The following HCN1 variants were observed in gnomAD, a reference collection of about 807,000 sequenced individuals.
The protein encoded by HCN1 is hyperpolarization activated cyclic nucleotide gated potassium channel 1.
HCN1 carries 13 observed loss-of-function variants against 78.9 expected under a neutral mutation model. The observed-to-expected ratio is 0.16, with a 90% CI of 0.11 to 0.26. The LOEUF (loss-of-function observed/expected upper bound fraction) is 0.26. Ranked by LOEUF, HCN1 falls within the 10% of genes least tolerant of loss-of-function variation. HCN1 has a pLI of 1.00. For synonymous variants in HCN1, 552 were observed against 455.5 expected, an observed-to-expected ratio of 1.21 and a Z score of -2.70; for missense variants, 810 against 1,154.3, an observed-to-expected ratio of 0.70 and a Z score of 4.32.
At chr5:45,549,043 A>T (rs1418864945) in intron 2 of HCN1, among the ~76,000 whole-genome samples, 2 of 151,664 alleles carry the variant, frequency 1.3e-5, no homozygotes, top group Non-Finnish European at 2.9e-5. Context: ...GGTAGGAAGA[A>T]TCAATATCAT....
chr5:45,596,509 C>A (rs960207049), intron 2 of HCN1, among the ~76,000 whole-genome samples: 2 of 152,122 alleles, frequency 1.3e-5, no homozygotes, highest in Admixed American at 6.5e-5. Context: ...AGTTTGTGTA[C>A]ATAATCATGC....
chr5:45,661,280 G>T (rs1198228213), intron 1 of HCN1, among the ~76,000 whole-genome samples: 1 of 109,580 alleles, frequency 9.1e-6, no homozygotes, highest in Non-Finnish European at 1.8e-5. Flanking sequence ...CCACATACCA[G>T]AATCTCTGGG....
chr5:45,380,169 G>T (rs1747774560), intron 4 of HCN1, among the ~76,000 whole-genome samples: 1 of 152,050 alleles, frequency 6.6e-6, no homozygotes, highest in East Asian at 1.9e-4. Flanking sequence ...CAGATTCAGT[G>T]CCTGGAGAGG....
chr5:45,683,677 T>A (rs1453872829), intron 1 of HCN1, among the ~76,000 whole-genome samples: 1 of 152,022 alleles, frequency 6.6e-6, no homozygotes, highest in African/African-American at 2.4e-5. Context: ...TTTGTCTTTT[T>A]TTTTTTTGAT....
intron 6 of HCN1, among the ~76,000 whole-genome samples, chr5:45,296,709 G>A (rs544389426): frequency 6.0e-4 from 91 of 151,924 alleles, no homozygotes; most frequent in Non-Finnish European, 1.9e-4. Flanking sequence ...TCTCTAGGAA[G>A]ACTGACCAAG....
At chr5:45,665,876 C>T (rs1746038783) in intron 1 of HCN1, among the ~76,000 whole-genome samples, 4 of 152,094 alleles carry the variant, frequency 2.6e-5, no homozygotes, top group Admixed American at 2.6e-4. Flanking sequence ...TCTAATTTCT[C>T]TGACCTTTTC....
intron 2 of HCN1, among the ~76,000 whole-genome samples, chr5:45,462,762 C>T (rs1372295041): frequency 3.3e-5 from 5 of 151,932 alleles, no homozygotes; most frequent in African/African-American, 1.2e-4. Flanking sequence ...TCAACATAAT[C>T]CATCAAAATT....
Position 45,372,658 on chromosome 5 carries a change from ATT to A in HCN1, c.1231-19414_1231-19413del, listed in dbSNP as rs1191030524. Among the ~76,000 whole-genome samples, 3 of 80,544 alleles carry A rather than the reference ATT, an allele frequency of 3.7e-5. 1 individual carries two copies. Among genetic ancestry groups the A allele is most frequent in the African/African-American group, 2.6e-4 (3 of 11,516 alleles). 52.8% of individuals were successfully genotyped at this position (80,544 alleles called of 152,430 possible). On this transcript the variant is annotated intron_variant, in intron 4 of 7. Coordinates refer to ENST00000303230, the MANE Select transcript of HCN1 (RefSeq NM_021072.4). ...CATTTTATATAAAAATATATAAAAC[ATT>A]TATATATAAAAATATAAAATATTTA...
intron 4 of HCN1, among the ~76,000 whole-genome samples, chr5:45,393,307 C>A (rs569329900): frequency 2.0e-5 from 3 of 152,172 alleles, no homozygotes; most frequent in African/African-American, 7.2e-5. Flanking sequence ...GCTTCTATTA[C>A]TATAGTTATT....
At chr5:45,467,511 C>A (rs1320220240) in intron 2 of HCN1, among the ~76,000 whole-genome samples, 1 of 152,038 alleles carries the variant, frequency 6.6e-6, no homozygotes, top group East Asian at 1.9e-4. Flanking sequence ...AAAATGTCAA[C>A]TTCTGATTAA....
intron 3 of HCN1, among the ~76,000 whole-genome samples, chr5:45,448,973 C>A (rs1326193032): frequency 6.6e-6 from 1 of 152,220 alleles, no homozygotes; most frequent in East Asian, 1.9e-4. Context: ...AGTTAGCCAG[C>A]TGTGGTGGCC....
chr5:45,339,321 A>G (rs1746527645), intron 5 of HCN1, among the ~76,000 whole-genome samples: 1 of 152,202 alleles, frequency 6.6e-6, no homozygotes. Flanking sequence ...CAGAAAATTT[A>G]TGAATGAGGT....
Position 45,262,742 on chromosome 5 carries a change from C to T in HCN1, c.1852G>A (p.Glu618Lys). 1 of 1,614,116 alleles carries T rather than the reference C, an allele frequency of 6.2e-7. No individual in the cohort carries two copies. Among genetic ancestry groups the T allele is most frequent in the Non-Finnish European group, 8.5e-7 (1 of 1,180,026 alleles). Residue 618 changes from glutamate (E) to lysine (K), a missense_variant, in exon 8 of 8, where the codon GAG (glutamate) becomes AAG (lysine). Transcript: ENST00000303230. Reference sequence around the variant, plus strand: ...ACAATCTGCTTGAGGATTTCGTTCTCCTGATTGTTGAAAACACCAGTGTTC... The same window carrying T: ...ACAATCTGCTTGAGGATTTCGTTCTTCTGATTGTTGAAAACACCAGTGTTC... Reference protein sequence around the residue: ...DLNTGVFNNQENEILKQIVKH... With the variant: ...DLNTGVFNNQKNEILKQIVKH...
At chr5:45,268,495 A>T (rs1744902172) in intron 6 of HCN1, among the ~76,000 whole-genome samples, 1 of 152,230 alleles carries the variant, frequency 6.6e-6, no homozygotes. Context: ...CACTCGAGCT[A>T]ATTTAAAGAA....
intron 2 of HCN1, among the ~76,000 whole-genome samples, chr5:45,601,650 G>C (rs1744628253): frequency 6.6e-6 from 1 of 152,130 alleles, no homozygotes; most frequent in Non-Finnish European, 1.5e-5. Context: ...TAGAAACGCT[G>C]TCTGAGCTCC....
chr5:45,519,482 G>C (rs1742574409), intron 2 of HCN1, among the ~76,000 whole-genome samples: 1 of 151,906 alleles, frequency 6.6e-6, no homozygotes, highest in South Asian at 2.1e-4. Context: ...CTGTGATATT[G>C]AATTTGTAAT....
rs552270517 is a variant in HCN1 at position 45,357,102 on chromosome 5, A to C, written c.1231-3856T>G. ...TTTTTCTTCAAAGATTTTCCTATAG[A>C]ATTTCTCTTTACAACATCCTTGGTT... On this transcript the variant is annotated intron_variant, in intron 4 of 7. Transcript: ENST00000303230. 2.0e-5 allele frequency among the ~76,000 whole-genome samples: 3 copies of C among 152,040 alleles called. No homozygotes were observed. The South Asian group carries it at 6.2e-4, about 32-fold the overall frequency.
chr5:45,488,396 G>A (rs1040342540), intron 2 of HCN1, among the ~76,000 whole-genome samples: 1 of 151,972 alleles, frequency 6.6e-6, no homozygotes, highest in Admixed American at 6.6e-5. Context: ...TAATAATATT[G>A]GCATTGAGGA....
intron 1 of HCN1, among the ~76,000 whole-genome samples, chr5:45,675,859 T>C (rs1384482280): frequency 6.6e-6 from 1 of 151,860 alleles, no homozygotes; most frequent in Non-Finnish European, 1.5e-5. Flanking sequence ...AAATGGTTGA[T>C]GTCAGGTCCT....
Sources: allele counts gnomAD v4.1 joint callset (sites outside exome capture counted in the v4.1 genomes callset), GRCh38; gene constraint gnomAD v4.1.1; transcripts MANE v1.5; gene names NCBI Gene and HGNC (gene_info 2026-07-23, HGNC 2026-07-21).